Variants in PDE1C observed in about 807,000 individuals in gnomAD.
The protein encoded by PDE1C is phosphodiesterase 1C.
A neutral mutation model predicts 93.1 loss-of-function variants in PDE1C; 62 were observed. The observed-to-expected ratio is 0.67, with a 90% CI of 0.54 to 0.82. The LOEUF (loss-of-function observed/expected upper bound fraction) is 0.82. Ranked by LOEUF, PDE1C falls within the 40% of genes least tolerant of loss-of-function variation. PDE1C has a pLI of 0.00. For synonymous variants in PDE1C, 325 were observed against 310.1 expected (o/e 1.05, Z -0.50); for missense variants, 742 against 884.6 (o/e 0.84, Z 2.04).
At chr7:31,646,477 G>C in the PDE1C span, among the ~76,000 whole-genome samples, 3 of 152,144 alleles carry the variant, frequency 2.0e-5, no homozygotes, top group Admixed American at 1.3e-4. Flanking sequence ...AAAAGGCACA[G>C]GAACCCAGAG....
chr7:31,733,823 C>G, the PDE1C span, among the ~76,000 whole-genome samples: 1 of 152,062 alleles, frequency 6.6e-6, no homozygotes, highest in South Asian at 2.1e-4. Context: ...GGGCGAAACC[C>G]TGTCTTTACT....
intron 16 of PDE1C, chr7:31,788,906 T>C (rs930052060): frequency 6.6e-6 from 1 of 152,160 alleles, no homozygotes; most frequent in Admixed American, 6.5e-5. Context: ...CCACATACAG[T>C]CTCTTTCTTT....
At chr7:32,047,034 T>G (rs1468532691) in intron 2 of PDE1C, among the ~76,000 whole-genome samples, 2 of 124,170 alleles carry the variant, frequency 1.6e-5, no homozygotes, top group Admixed American at 9.4e-5. Context: ...GAAATAGGGG[T>G]GTGTGTGTGT....
chr7:31,880,373 G>T (rs1356708934), intron 3 of PDE1C, among the ~76,000 whole-genome samples: 1 of 152,128 alleles, frequency 6.6e-6, no homozygotes, highest in Non-Finnish European at 1.5e-5. Flanking sequence ...TTTACTAATG[G>T]ACATTATGAA....
the PDE1C span, chr7:31,642,185 T>C: frequency 6.4e-7 from 1 of 1,559,816 alleles, no homozygotes. Context: ...GGTGCCAGGG[T>C]GGACAGAGCA....
chr7:32,392,056 G>A (rs947298773), intron 1 of PDE1C, among the ~76,000 whole-genome samples: 9 of 151,454 alleles, frequency 5.9e-5, no homozygotes, highest in South Asian at 2.1e-4. Context: ...TCTTTGAGAA[G>A]ATCAACAAAA....
chr7:32,177,720 C>G (rs994906426), intron 2 of PDE1C, among the ~76,000 whole-genome samples: 6 of 152,338 alleles, frequency 3.9e-5, no homozygotes, highest in African/African-American at 1.2e-4. Flanking sequence ...CCTGATCCCC[C>G]CTCTGCCCAG....
chr7:31,816,442 T>C (rs897001382), intron 14 of PDE1C, among the ~76,000 whole-genome samples: 4 of 152,192 alleles, frequency 2.6e-5, no homozygotes, highest in African/African-American at 9.6e-5. Flanking sequence ...CCGTTATTAA[T>C]AGCTTCTATT....
chr7:32,331,831 T>C (rs1783522304), intron 1 of PDE1C, among the ~76,000 whole-genome samples: 1 of 152,198 alleles, frequency 6.6e-6, no homozygotes, highest in African/African-American at 2.4e-5. Context: ...GTATAGATTC[T>C]ATGACTATGA....
chr7:32,189,875 T>G (rs565141691), intron 2 of PDE1C, among the ~76,000 whole-genome samples: 72 of 152,344 alleles, frequency 4.7e-4, no homozygotes, highest in Non-Finnish European at 9.7e-4. Context: ...GAACTGTGAC[T>G]TACTCATTTT....
chr7:31,855,089 A>AC (rs1554371805), intron 7 of PDE1C, among the ~76,000 whole-genome samples: 1 of 151,542 alleles, frequency 6.6e-6, no homozygotes, highest in Admixed American at 6.6e-5. Flanking sequence ...AAAAAAAAAA[A>AC]AACTTCCGTT....
chr7:32,394,929 G>A (rs1403662213), intron 1 of PDE1C, among the ~76,000 whole-genome samples: 1 of 152,032 alleles, frequency 6.6e-6, no homozygotes, highest in African/African-American at 2.4e-5. Flanking sequence ...TTGGCCTTCT[G>A]TCATGATTGG....
chr7:32,414,818 T>C (rs1368647905), intron 1 of PDE1C, among the ~76,000 whole-genome samples: 3 of 123,516 alleles, frequency 2.4e-5, no homozygotes, highest in Admixed American at 8.3e-5. Flanking sequence ...GAGAAAACAA[T>C]GATGCCAATG....
intron 1 of PDE1C, among the ~76,000 whole-genome samples, chr7:32,352,063 T>C (rs1783961507): frequency 9.5e-5 from 1 of 10,472 alleles, no homozygotes; most frequent in South Asian, 4.1e-3. Context: ...TGGCTTAGGA[T>C]TGACTTGGCA....
intron 2 of PDE1C, among the ~76,000 whole-genome samples, chr7:32,023,773 T>G (rs1422571435): frequency 1.3e-5 from 2 of 151,956 alleles, no homozygotes; most frequent in Non-Finnish European, 2.9e-5. Flanking sequence ...GGAGAGGGGA[T>G]GGGTGTGGCC....
At chr7:32,387,813 C>A (rs1001868165) in intron 1 of PDE1C, among the ~76,000 whole-genome samples, 39 of 143,904 alleles carry the variant, frequency 2.7e-4, no homozygotes, top group Non-Finnish European at 4.7e-4. Flanking sequence ...GGGGCTGACC[C>A]CCACCACCTC....
intron 11 of PDE1C, among the ~76,000 whole-genome samples, chr7:31,829,538 C>T (rs183552787): frequency 2.6e-5 from 4 of 152,214 alleles, no homozygotes; most frequent in Non-Finnish European, 5.9e-5. Context: ...CTAAGGCATG[C>T]TACCAAAGAG....
intron 1 of PDE1C, among the ~76,000 whole-genome samples, chr7:32,328,784 A>G (rs1783453815): frequency 6.6e-6 from 1 of 152,226 alleles, no homozygotes; most frequent in Non-Finnish European, 1.5e-5. Context: ...CAATCTCCAC[A>G]TAGCTTGTTT....
intron 2 of PDE1C, among the ~76,000 whole-genome samples, chr7:31,933,853 G>A (rs1308183765): frequency 6.6e-6 from 1 of 152,174 alleles, no homozygotes; most frequent in Non-Finnish European, 1.5e-5. Context: ...GGCTTCACCA[G>A]AAGCTATGTT....
Sources: gnomAD v4.1 joint callset for allele counts (sites outside exome capture counted in the v4.1 genomes callset) on GRCh38, gnomAD v4.1.1 for gene constraint, MANE v1.5 for transcripts, NCBI Gene and HGNC (gene_info 2026-07-23, HGNC 2026-07-21) for gene names.